The following ERMAP variants were observed in gnomAD, a reference collection of about 807,000 sequenced individuals.
The protein encoded by ERMAP is erythroid membrane-associated protein.
ERMAP carries 34 observed loss-of-function variants against 49.5 expected under a neutral mutation model. That is an observed-to-expected ratio of 0.69 (90% CI 0.52 to 0.91). ERMAP has a LOEUF of 0.91. Ranked by LOEUF, ERMAP falls within the 40% of genes least tolerant of loss-of-function variation. The pLI, the probability that ERMAP is intolerant of heterozygous loss-of-function variation, is 0.00. For synonymous variants in ERMAP, 214 were observed against 232.2 expected (o/e 0.92, Z 0.71); for missense variants, 541 against 582.6 (o/e 0.93, Z 0.74).
In ERMAP at chr1:42,843,044, G is replaced by C. The variant is rs1403530398; in HGVS notation, c.1240G>C (p.Glu414Gln). 1.2e-6 allele frequency: 2 copies of C among 1,614,144 alleles called. No individual in the cohort carries two copies. The highest frequency in any genetic ancestry group is 4.5e-5 in the East Asian group (2 of 44,886). Residue 414 changes from glutamate (E) to glutamine (Q), a missense_variant, in exon 12 of 12, where the codon GAA becomes CAA. Glu to Gln is a conservative substitution (Grantham distance 29, BLOSUM62 2). Coordinates refer to ENST00000372517, the MANE Select transcript of ERMAP (RefSeq NM_001017922.2). ...KNTAPLVICSELHKSEESIVP... is the reference protein window; with the variant it reads ...KNTAPLVICSQLHKSEESIVP... ...CACAGCACCTCTAGTCATTTGTTCA[G>C]AACTACACAAATCAGAGGAATCAAT...
chr1:42,830,860 C>G lies in ERMAP; in HGVS notation c.178C>G (p.Pro60Ala), dbSNP rs56136737. 5.2e-4 allele frequency: 838 copies of G among 1,611,120 alleles called. 2 individuals are homozygous for G. The highest frequency in any genetic ancestry group is 5.7e-4 in the Non-Finnish European group (676 of 1,178,670). Reference protein sequence around the residue: ...CPLSLWPGTVPKEVRWLRSPF... With the variant: ...CPLSLWPGTVAKEVRWLRSPF... ...TCTCTCCCTCTGGCCCGGGACGGTA[C>G]CCAAGGAGGTGAGGTGGCTGCGGTC... is the stretch of plus-strand genomic sequence containing the variant. Residue 60 changes from proline to alanine, a missense_variant, in exon 4 of 12, where the codon CCC becomes GCC. Pro to Ala is a conservative substitution (Grantham distance 27). Coordinates refer to ENST00000372517, the MANE Select transcript of ERMAP (RefSeq NM_001017922.2).
chr1:42,831,310 T>C (rs1277037322), intron 4 of ERMAP, among the ~76,000 whole-genome samples, 195 bp downstream of exon 4: 1 of 152,218 alleles, frequency 6.6e-6, no homozygotes, highest in Non-Finnish European at 1.5e-5. Context: ...GCATTTCTGA[T>C]AAGGAAGGAA....
Position 42,817,245 on chromosome 1 carries a change from T to A in ERMAP, c.-130T>A. On this transcript the variant is annotated 5_prime_UTR_variant, in exon 1 of 12. Coordinates refer to ENST00000372517, the MANE Select transcript of ERMAP (RefSeq NM_001017922.2). ...CCTCCGCCGAGTCGCAGACAACGCC[T>A]CCGGGAGGGTAATCCTCGCCTTCCC... 1 of 1,253,666 alleles carries A rather than the reference T, an allele frequency of 8.0e-7. No homozygotes were observed. Among genetic ancestry groups the A allele is most frequent in the African/African-American group, 1.6e-5 (1 of 62,428 alleles). 77.7% of individuals were successfully genotyped at this position (1,253,666 alleles called of 1,614,324 possible).
rs1024098045 is a variant in ERMAP, at chr1:42,825,635, C to A, written c.-109C>A. The A allele has an allele frequency of 2.1e-5, 27 of 1,288,636 alleles. No individual in the cohort carries two copies. Among genetic ancestry groups the A allele is most frequent in the Non-Finnish European group, 2.6e-5 (26 of 988,718 alleles). The allele number at this position is 1,288,636 out of a possible 1,614,324, so 79.8% of individuals were successfully genotyped here. A position where few individuals can be genotyped will look rare whatever the true frequency, so the allele number is the denominator to read the frequency against. ...CCCACATCCCTAGGCCTTCCTGATG[C>A]GCTTGCCTGCTCCCTGGTCTCTCTG... On this transcript the variant is annotated 5_prime_UTR_variant, in exon 2 of 12. Coordinates refer to ENST00000372517, the MANE Select transcript of ERMAP (RefSeq NM_001017922.2).
At chr1:42,831,571 T>TTTTTCTC (rs1553149742) in intron 4 of ERMAP, among the ~76,000 whole-genome samples, 4 of 79,914 alleles carry the variant, frequency 5.0e-5, no homozygotes, top group East Asian at 5.0e-4. Flanking sequence ...TTTTTTTTTT[T>TTTTTCTC]TCTCTTTTTT....
At chr1:42,821,310 C>A (rs571767285) in intron 1 of ERMAP, among the ~76,000 whole-genome samples, 3 of 152,256 alleles carry the variant, frequency 2.0e-5, no homozygotes, top group African/African-American at 7.2e-5. Context: ...AACTGGAAAT[C>A]TAGAGCTCCC....
chr1:42,820,329 A>G (rs1654374194), intron 1 of ERMAP, among the ~76,000 whole-genome samples: 2 of 151,168 alleles, frequency 1.3e-5, no homozygotes, highest in African/African-American at 2.4e-5. Flanking sequence ...GCCCCTTTCA[A>G]TTGGGAAACA....
rs1201121379 is a variant in ERMAP, at chr1:42,819,470, C to T, written c.-122+2217C>T. 6.6e-6 allele frequency among the ~76,000 whole-genome samples: 1 copy of T among 152,062 alleles called. No individual in the cohort carries two copies. Among genetic ancestry groups the T allele is most frequent in the African/African-American group, 2.4e-5 (1 of 41,390 alleles). ...CTTTGTCTGTCTCTTTTGTGTCTAC[C>T]AGTGGACTCTTGGCCAGGCTGCAGA... On this transcript the variant is annotated intron_variant, in intron 1 of 11. Transcript: ENST00000372517. This position sits in a 1 kb window ranked among gnomAD's most constrained non-coding sequence, Gnocchi z 5.1.
Position 42,843,190 on chromosome 1 carries a change from C to G in ERMAP, c.1386C>G (p.Asp462Glu). 2 of 1,608,026 alleles carry G rather than the reference C, an allele frequency of 1.2e-6. No individual in the cohort carries two copies. The highest frequency in any genetic ancestry group is 1.7e-6 in the Non-Finnish European group (2 of 1,177,560). Reference sequence around the variant, plus strand: ...ATATAATCCTGTCCTTGCCCCCTGACCTTGGCCCAGCCCTTCAGGAGCTCA... The same window carrying G: ...ATATAATCCTGTCCTTGCCCCCTGAGCTTGGCCCAGCCCTTCAGGAGCTCA... ...LKDIILSLPP[D>E]LGPALQELKA... Residue 462 changes from aspartate to glutamate, a missense_variant, in exon 12 of 12, where the codon GAC becomes GAG. Asp to Glu is a conservative substitution (Grantham distance 45). Transcript: ENST00000372517.
At chr1:42,840,848 T>C (rs1470558225) in intron 11 of ERMAP, among the ~76,000 whole-genome samples, 2 of 152,084 alleles carry the variant, frequency 1.3e-5, no homozygotes, top group Non-Finnish European at 2.9e-5. Context: ...TAGCCACTGC[T>C]TCCGCCTCTT....
intron 2 of ERMAP, among the ~76,000 whole-genome samples, chr1:42,826,407 A>G (rs1281179944): frequency 6.6e-6 from 1 of 152,120 alleles, no homozygotes; most frequent in Non-Finnish European, 1.5e-5. Flanking sequence ...GATAATATCC[A>G]GTGATGGTAA....
chr1:42,817,407 C>T (rs561996291), intron 1 of ERMAP, 154 bp downstream of exon 1: 3 of 354,856 alleles, frequency 8.5e-6, no homozygotes, highest in East Asian at 1.6e-4. Flanking sequence ...GAGAGGATGG[C>T]TGGAAACCCG....
At chr1:42,841,668 T>C (rs1655061133) in intron 11 of ERMAP, among the ~76,000 whole-genome samples, 1 of 152,250 alleles carries the variant, frequency 6.6e-6, no homozygotes, top group Non-Finnish European at 1.5e-5. Flanking sequence ...GTTCTGTTAC[T>C]ATTTCCATTT....
rs1009154640 is a variant in ERMAP at position 42,835,892 on chromosome 1, A to G, written c.583+128A>G. On this transcript the variant is annotated intron_variant, in intron 6 of 11. Transcript: ENST00000372517. The stretch of plus-strand genomic sequence containing the variant: ...ATCTGCTATCCTTGGTGATGGTGGC[A>G]ATGTCTAAATCCGTTGCTTCCAGTT... 2.8e-6 allele frequency: 4 copies of G among 1,427,322 alleles called. No individual in the cohort carries two copies. In the African/African-American group the frequency reaches 5.9e-5, roughly 21 times the overall value. 88.4% of individuals were successfully genotyped at this position (1,427,322 alleles called of 1,614,324 possible).
At chr1:42,838,690 C>T (rs928470446) in intron 7 of ERMAP, among the ~76,000 whole-genome samples, 5 of 152,242 alleles carry the variant, frequency 3.3e-5, no homozygotes, top group Admixed American at 2.6e-4. Context: ...GAAGGAGGAA[C>T]CAAAGTCCCG....
At chr1:42,838,677 G>A (rs1327762697) in intron 7 of ERMAP, among the ~76,000 whole-genome samples, 4 of 152,178 alleles carry the variant, frequency 2.6e-5, no homozygotes, top group African/African-American at 9.7e-5. Context: ...AGGAGGGGAA[G>A]GGGAAGGAGG....
At chr1:42,824,083 G>T (rs1226887526) in intron 1 of ERMAP, among the ~76,000 whole-genome samples, 1 of 152,120 alleles carries the variant, frequency 6.6e-6, no homozygotes, top group Non-Finnish European at 1.5e-5. Context: ...GGTGGCTCAC[G>T]CCTGTAATCC....
At chr1:42,823,970 A>G (rs1319259313) in intron 1 of ERMAP, among the ~76,000 whole-genome samples, 1 of 152,212 alleles carries the variant, frequency 6.6e-6, no homozygotes, top group African/African-American at 2.4e-5. Flanking sequence ...AGGGACTTCA[A>G]GTGTTTGTGG....
chr1:42,818,575 C>T (rs1046140899), intron 1 of ERMAP, among the ~76,000 whole-genome samples: 1 of 152,130 alleles, frequency 6.6e-6, no homozygotes, highest in African/African-American at 2.4e-5. Flanking sequence ...TCAAGCAATC[C>T]TCCCACCTCA....
Sources: allele counts gnomAD v4.1 joint callset (sites outside exome capture counted in the v4.1 genomes callset), GRCh38; gene constraint gnomAD v4.1.1; non-coding constraint Gnocchi (gnomAD v3.1); transcripts MANE v1.5; gene names NCBI Gene and HGNC (gene_info 2026-07-23, HGNC 2026-07-21).